The following CDH12 variants were observed in gnomAD, a reference collection of about 807,000 sequenced individuals.
The protein encoded by CDH12 is cadherin-12.
In CDH12, 41 loss-of-function variants were observed where a neutral mutation model predicts 74.1. The observed-to-expected ratio is 0.55, with a 90% CI of 0.43 to 0.72. The LOEUF (loss-of-function observed/expected upper bound fraction) is 0.72. Ranked by LOEUF, CDH12 falls within the 30% of genes least tolerant of loss-of-function variation. The pLI is 0.00. For missense variants in CDH12, 945 were observed against 977.2 expected (o/e 0.97, Z 0.44); for synonymous variants, 399 against 355.0 (o/e 1.12, Z -1.39).
intron 5 of CDH12, among the ~76,000 whole-genome samples, chr5:21,980,357 TG>T (rs1383565991): frequency 6.6e-6 from 1 of 152,052 alleles, no homozygotes; most frequent in Non-Finnish European, 1.5e-5. Context: ...ATGGCTCTTA[TG>T]GAGGTAATGA....
intron 4 of CDH12, among the ~76,000 whole-genome samples, chr5:22,116,150 C>T (rs1246055140): frequency 6.6e-6 from 1 of 152,044 alleles, no homozygotes; most frequent in Non-Finnish European, 1.5e-5. Context: ...TCACATGAGC[C>T]CTTAAGAAAG....
intron 6 of CDH12, among the ~76,000 whole-genome samples, chr5:21,875,378 A>G (rs1751874122): frequency 6.6e-6 from 1 of 152,224 alleles, no homozygotes; most frequent in African/African-American, 2.4e-5. Flanking sequence ...TCTTAGCTTA[A>G]TAACTGGCAC....
chr5:22,661,186 G>A (rs909923716), intron 1 of CDH12, among the ~76,000 whole-genome samples: 1 of 152,148 alleles, frequency 6.6e-6, no homozygotes, highest in Non-Finnish European at 1.5e-5. Context: ...GATCATTTCA[G>A]AGCTTCAACC....
chr5:22,527,921 C>T (rs1281773002), intron 1 of CDH12, among the ~76,000 whole-genome samples: 5 of 152,158 alleles, frequency 3.3e-5, no homozygotes, highest in Non-Finnish European at 7.4e-5. Context: ...GAGCTCATAT[C>T]GATAAATTCA....
chr5:21,839,065 C>A (rs1749696530), intron 8 of CDH12, among the ~76,000 whole-genome samples: 1 of 152,168 alleles, frequency 6.6e-6, no homozygotes, highest in African/African-American at 2.4e-5. Context: ...TTTCACAATG[C>A]CACTTTTTAT....
intron 1 of CDH12, among the ~76,000 whole-genome samples, chr5:22,727,029 G>A (rs1009415854): frequency 5.3e-5 from 8 of 151,716 alleles, no homozygotes; most frequent in Non-Finnish European, 1.2e-4. Flanking sequence ...ACAATCAGAT[G>A]AAATGAATTA....
At chr5:22,301,795 C>CTTAT (rs1214270604) in intron 3 of CDH12, among the ~76,000 whole-genome samples, 9 of 151,808 alleles carry the variant, frequency 5.9e-5, no homozygotes, top group East Asian at 3.9e-4. Flanking sequence ...CCATGCCCAG[C>CTTAT]TTATTTATTT....
rs574266360 is a variant in CDH12 at position 21,883,508 on chromosome 5, T to G, written c.527-28718A>C. On this transcript the variant is annotated intron_variant, in intron 6 of 14. Coordinates refer to ENST00000382254, the MANE Select transcript of CDH12 (RefSeq NM_004061.5). ...TGGCAGTCAAGGCTCCAGGGTTTGG[T>G]GACAATAGAAAGAACCAACTTAAAG... The G allele has an allele frequency of 5.1e-4, 818 of 1,612,968 alleles. 3 individuals carry two copies. In the African/African-American group the frequency reaches 9.5e-3, roughly 19 times the overall value.
intron 1 of CDH12, among the ~76,000 whole-genome samples, chr5:22,566,369 C>A (rs1319576244): frequency 6.6e-6 from 1 of 151,820 alleles, no homozygotes; most frequent in Non-Finnish European, 1.5e-5. Context: ...TCCTGAGTAG[C>A]TGGGATTTCA....
intron 2 of CDH12, among the ~76,000 whole-genome samples, chr5:22,442,176 G>A (rs1312890160): frequency 6.6e-6 from 1 of 152,054 alleles, no homozygotes; most frequent in African/African-American, 2.4e-5. Flanking sequence ...CTGTGATATT[G>A]GACATAGAAA....
intron 6 of CDH12, among the ~76,000 whole-genome samples, chr5:21,941,161 A>G (rs191910698): frequency 0.032 from 4,795 of 152,212 alleles, 254 homozygotes; most frequent in African/African-American, 0.11. Flanking sequence ...CTAATTTGCA[A>G]TATCTTTCTA....
chr5:22,338,177 T>C (rs181900472), intron 3 of CDH12, among the ~76,000 whole-genome samples: 3 of 152,278 alleles, frequency 2.0e-5, no homozygotes, highest in African/African-American at 7.2e-5. Context: ...TAAGTGTCCA[T>C]CTACAGATGA....
chr5:22,040,001 TAACAG>T (rs1739456380), intron 5 of CDH12, among the ~76,000 whole-genome samples: 1 of 149,178 alleles, frequency 6.7e-6, no homozygotes, highest in Non-Finnish European at 1.5e-5. Flanking sequence ...AATTATGACT[TAACAG>T]AAAAGGAATT....
intron 8 of CDH12, among the ~76,000 whole-genome samples, chr5:21,829,082 G>C (rs1345183549): frequency 6.6e-6 from 1 of 152,128 alleles, no homozygotes; most frequent in East Asian, 1.9e-4. Context: ...GTCAGCTGAG[G>C]TCAGGAGTCT....
At chr5:21,921,571 TC>T (rs1754355139) in intron 6 of CDH12, among the ~76,000 whole-genome samples, 1 of 152,186 alleles carries the variant, frequency 6.6e-6, no homozygotes, top group African/African-American at 2.4e-5. Context: ...CTTTTTGAAT[TC>T]ATGAAAGCAA....
chr5:22,603,391 G>T (rs1013468258), intron 1 of CDH12, among the ~76,000 whole-genome samples: 2 of 152,200 alleles, frequency 1.3e-5, no homozygotes, highest in Admixed American at 6.5e-5. Context: ...AAAATGTCCA[G>T]TGGCAGTAGA....
At chr5:22,192,380 A>C (rs187582587) in intron 4 of CDH12, among the ~76,000 whole-genome samples, 399 of 152,004 alleles carry the variant, frequency 2.6e-3, no homozygotes, top group Non-Finnish European at 4.8e-3. Context: ...CAAACTAATA[A>C]AATAATGAGT....
At chr5:22,793,270 AG>A (rs2126390626) in intron 1 of CDH12, among the ~76,000 whole-genome samples, 1 of 152,320 alleles carries the variant, frequency 6.6e-6, no homozygotes, top group Non-Finnish European at 1.5e-5. Flanking sequence ...CAGTTTTAAA[AG>A]CTTCTTACTG....
chr5:22,290,075 C>T lies in CDH12; in HGVS notation c.-332-77432G>A, dbSNP rs147975735. Among the ~76,000 whole-genome samples, 664 of 152,260 alleles carry T rather than the reference C, an allele frequency of 4.4e-3. 2 individuals are homozygous for T. Among genetic ancestry groups the T allele is most frequent in the Non-Finnish European group, 7.3e-3 (497 of 68,012 alleles). On this transcript the variant is annotated intron_variant, in intron 3 of 14. Coordinates refer to ENST00000382254, the MANE Select transcript of CDH12 (RefSeq NM_004061.5). ...ACATTGAGCCCTGGGCTTTTGAAAA[C>T]ACCATGCTGGCCAGCCACGTCTATC... is the stretch of plus-strand genomic sequence containing the variant.
Sources: gnomAD v4.1 joint callset for allele counts (sites outside exome capture counted in the v4.1 genomes callset) on GRCh38, gnomAD v4.1.1 for gene constraint, MANE v1.5 for transcripts, NCBI Gene and HGNC (gene_info 2026-07-23, HGNC 2026-07-21) for gene names.